Variants in SDC2 observed in about 807,000 individuals in gnomAD.
SDC2 encodes the protein syndecan-2.
Under a neutral mutation model 22.2 loss-of-function variants are expected in SDC2, and 13 were observed. That is an observed-to-expected ratio of 0.59 (90% CI 0.38 to 0.93). The LOEUF is 0.93. Among genes scored for constraint, SDC2 ranks in the 40% least tolerant of loss-of-function variants. The pLI is 0.00. For missense variants in SDC2, 235 were observed against 246.8 expected (o/e 0.95, Z 0.32); for synonymous variants, 94 against 92.8 (o/e 1.01, Z -0.07).
At chr8:96,562,713 T>C (rs1814230321) in intron 1 of SDC2, among the ~76,000 whole-genome samples, 1 of 152,220 alleles carries the variant, frequency 6.6e-6, no homozygotes. Context: ...CCTTCAAATC[T>C]TCATTCTAGT....
At chr8:96,513,643 A>G (rs1425642587) in intron 1 of SDC2, among the ~76,000 whole-genome samples, 1 of 152,216 alleles carries the variant, frequency 6.6e-6, no homozygotes, top group Non-Finnish European at 1.5e-5. Flanking sequence ...ATCTTTTGGT[A>G]GTATCATCAT....
intron 1 of SDC2, among the ~76,000 whole-genome samples, chr8:96,579,845 A>G (rs1177848901): frequency 6.6e-6 from 1 of 151,996 alleles, no homozygotes; most frequent in African/African-American, 2.4e-5. Flanking sequence ...TAATTTTTGA[A>G]TATAACATTT....
At chr8:96,509,542 C>T (rs1026313148) in intron 1 of SDC2, among the ~76,000 whole-genome samples, 3 of 141,422 alleles carry the variant, frequency 2.1e-5, no homozygotes, top group African/African-American at 7.6e-5. Context: ...TTCTCCATCA[C>T]GGGTTTTCAG....
intron 1 of SDC2, among the ~76,000 whole-genome samples, chr8:96,533,060 T>C (rs1466289714): frequency 2.6e-5 from 4 of 152,134 alleles, no homozygotes; most frequent in Non-Finnish European, 4.4e-5. Flanking sequence ...TGTTTAGATG[T>C]GTTTGGAGTT....
chr8:96,595,019 G>A (rs1814848549), intron 2 of SDC2, among the ~76,000 whole-genome samples: 1 of 152,136 alleles, frequency 6.6e-6, no homozygotes, highest in African/African-American at 2.4e-5. Context: ...TTTGGGTGGG[G>A]ACACAGCCAA....
chr8:96,609,275 T>G, intron 4 of SDC2, 110 bp from the exon 5 acceptor site: 1 of 875,036 alleles, frequency 1.1e-6, no homozygotes, highest in Non-Finnish European at 1.6e-6. Context: ...TTATTGGGGT[T>G]TTCAAATTAA....
chr8:96,495,976 A>C (rs574189916), intron 1 of SDC2, among the ~76,000 whole-genome samples: 1 of 152,254 alleles, frequency 6.6e-6, no homozygotes, highest in Non-Finnish European at 1.5e-5. Context: ...TTTGTACACC[A>C]AAAGGCAGCA....
intron 1 of SDC2, among the ~76,000 whole-genome samples, chr8:96,553,585 AT>A (rs925689258): frequency 3.0e-3 from 443 of 149,432 alleles, no homozygotes; most frequent in African/African-American, 9.7e-3. Flanking sequence ...GAGCCATTCG[AT>A]TTTTTTTTTC....
intron 1 of SDC2, among the ~76,000 whole-genome samples, chr8:96,571,114 TA>T (rs1181899723): frequency 6.6e-6 from 1 of 152,234 alleles, no homozygotes; most frequent in African/African-American, 2.4e-5. Flanking sequence ...GTCACACTTT[TA>T]AAAAATGTGA....
intron 1 of SDC2, among the ~76,000 whole-genome samples, chr8:96,504,898 G>A (rs976999371): frequency 5.3e-5 from 8 of 151,938 alleles, no homozygotes; most frequent in Non-Finnish European, 5.9e-5. Flanking sequence ...GGGTGGGGCC[G>A]TTTTATAAGA....
At chr8:96,580,987 T>G (rs1023456457) in intron 1 of SDC2, among the ~76,000 whole-genome samples, 11 of 152,316 alleles carry the variant, frequency 7.2e-5, no homozygotes, top group African/African-American at 2.4e-4. Flanking sequence ...CAGCTTTTTT[T>G]ATTCCTGGAC....
chr8:96,608,988 G>T (rs1815131231), intron 4 of SDC2, among the ~76,000 whole-genome samples: 1 of 152,090 alleles, frequency 6.6e-6, no homozygotes, highest in South Asian at 2.1e-4. Context: ...AAATAAATTT[G>T]CATGCTTTTT....
intron 1 of SDC2, among the ~76,000 whole-genome samples, chr8:96,552,574 A>G (rs926557507): frequency 2.6e-5 from 4 of 152,196 alleles, no homozygotes; most frequent in African/African-American, 4.8e-5. Flanking sequence ...CTGATTCAGT[A>G]TCATTGTCAA....
chr8:96,531,485 A>T (rs979204402), intron 1 of SDC2, among the ~76,000 whole-genome samples: 1 of 152,358 alleles, frequency 6.6e-6, no homozygotes, highest in Admixed American at 6.5e-5. Context: ...CGATGCTAAA[A>T]ATAGTCTAAC....
chr8:96,516,947 T>G (rs1405862517), intron 1 of SDC2, among the ~76,000 whole-genome samples: 1 of 152,236 alleles, frequency 6.6e-6, no homozygotes, highest in Non-Finnish European at 1.5e-5. Flanking sequence ...CCATTTCTCC[T>G]GAGTATATAT....
chr8:96,594,984 A>G (rs561368383), intron 2 of SDC2, among the ~76,000 whole-genome samples: 1 of 152,296 alleles, frequency 6.6e-6, no homozygotes, highest in East Asian at 1.9e-4. Context: ...TGTGGGGATT[A>G]TGGGAACTAC....
At chr8:96,580,598 T>A in intron 1 of SDC2, 1 of 867,228 alleles carries the variant, frequency 1.2e-6, no homozygotes, top group Non-Finnish European at 1.4e-6. Flanking sequence ...TTAAATCTAT[T>A]AAATATTAGA....
intron 1 of SDC2, among the ~76,000 whole-genome samples, chr8:96,556,185 C>T (rs187930211): frequency 1.5e-3 from 227 of 152,020 alleles, no homozygotes; most frequent in African/African-American, 5.2e-3. Flanking sequence ...CCCTTATATT[C>T]CCCTCTTTGG....
At chr8:96,505,366 C>T (rs1018338156) in intron 1 of SDC2, among the ~76,000 whole-genome samples, 6 of 152,094 alleles carry the variant, frequency 3.9e-5, no homozygotes, top group Admixed American at 2.0e-4. Context: ...TGCAGTGGTG[C>T]GATCTCGGCT....
Sources: allele counts gnomAD v4.1 joint callset (sites outside exome capture counted in the v4.1 genomes callset), GRCh38; gene constraint gnomAD v4.1.1; transcripts MANE v1.5; gene names NCBI Gene and HGNC (gene_info 2026-07-23, HGNC 2026-07-21).